Variants in SYNDIG1 observed in about 807,000 individuals in gnomAD.
SYNDIG1 encodes the protein synapse differentiation-inducing gene protein 1.
In SYNDIG1, 9 loss-of-function variants were observed where a neutral mutation model predicts 19.4. The ratio of observed to expected loss-of-function variants is 0.46; its 90% CI spans 0.28 to 0.81. The LOEUF (loss-of-function observed/expected upper bound fraction) is 0.81, where lower values mean the gene tolerates loss of function less well. Among genes scored for constraint, SYNDIG1 ranks in the 30% least tolerant of loss-of-function variants. The pLI is 0.12. For synonymous variants in SYNDIG1, 141 were observed against 145.9 expected, an observed-to-expected ratio of 0.97 and a Z score of 0.24; for missense variants, 311 against 343.3, an observed-to-expected ratio of 0.91 and a Z score of 0.74.
chr20:24,665,215 A>G (rs1341706614), intron 3 of SYNDIG1, 131 bp from the exon 4 acceptor site: 5 of 1,142,750 alleles, frequency 4.4e-6, no homozygotes, highest in Non-Finnish European at 6.2e-6. Flanking sequence ...AGGGGTGAGC[A>G]CAGTTTCCCC....
intron 1 of SYNDIG1, among the ~76,000 whole-genome samples, chr20:24,506,100 A>T (rs1449301995): frequency 2.0e-5 from 3 of 152,192 alleles, no homozygotes; most frequent in Non-Finnish European, 2.9e-5. Flanking sequence ...GCCCCAGTTT[A>T]TCCTAAGTGC....
At chr20:24,513,305 C>T (rs931482103) in intron 1 of SYNDIG1, among the ~76,000 whole-genome samples, 2 of 152,204 alleles carry the variant, frequency 1.3e-5, no homozygotes, top group Non-Finnish European at 2.9e-5. Flanking sequence ...GAGAAGAAGG[C>T]TTCAGACGAT....
intron 3 of SYNDIG1, among the ~76,000 whole-genome samples, chr20:24,661,517 G>GA (rs2059599153): frequency 2.1e-5 from 3 of 144,900 alleles, no homozygotes; most frequent in Non-Finnish European, 3.0e-5. Context: ...GGAGGAAGGA[G>GA]GGAGGGAGGA....
chr20:24,512,281 G>A (rs186919799), intron 1 of SYNDIG1, among the ~76,000 whole-genome samples: 55 of 151,158 alleles, frequency 3.6e-4, no homozygotes, highest in Non-Finnish European at 2.1e-4. Context: ...GGGGATCATC[G>A]GACAGTGGGG....
At chr20:24,654,335 A>G (rs992329550) in intron 3 of SYNDIG1, among the ~76,000 whole-genome samples, 1 of 152,290 alleles carries the variant, frequency 6.6e-6, no homozygotes. Flanking sequence ...AGGAAGTAGA[A>G]AGTGTCTTTC....
chr20:24,483,542 C>A (rs1006969734), intron 1 of SYNDIG1, among the ~76,000 whole-genome samples: 1 of 152,226 alleles, frequency 6.6e-6, no homozygotes, highest in Non-Finnish European at 1.5e-5. Context: ...TCCTGTACTT[C>A]CCCTGGGCAC....
intron 1 of SYNDIG1, among the ~76,000 whole-genome samples, chr20:24,497,042 C>T (rs960111975): frequency 6.6e-6 from 1 of 152,160 alleles, no homozygotes; most frequent in Admixed American, 6.5e-5. Flanking sequence ...ATTGCTAGCT[C>T]ATATCTATCT....
intron 2 of SYNDIG1, among the ~76,000 whole-genome samples, chr20:24,582,260 A>G (rs1284966716): frequency 4.4e-5 from 2 of 45,780 alleles, no homozygotes; most frequent in African/African-American, 2.0e-4. Flanking sequence ...CCCCCTTCAC[A>G]TACTTCCCAC....
At chr20:24,625,383 CAT>C (rs1491200292) in intron 3 of SYNDIG1, among the ~76,000 whole-genome samples, 3 of 97,478 alleles carry the variant, frequency 3.1e-5, no homozygotes, top group African/African-American at 8.1e-5. Flanking sequence ...ATGCCTGGGA[CAT>C]TTTTTTTTTT....
chr20:24,602,988 A>G (rs888162859), intron 3 of SYNDIG1, among the ~76,000 whole-genome samples: 14 of 152,208 alleles, frequency 9.2e-5, no homozygotes, highest in Non-Finnish European at 1.8e-4. Flanking sequence ...ACACAATGCT[A>G]TCGAGGCTAA....
chr20:24,622,150 A>G (rs1429051575), intron 3 of SYNDIG1, among the ~76,000 whole-genome samples: 1 of 152,260 alleles, frequency 6.6e-6, no homozygotes, highest in Non-Finnish European at 1.5e-5. Flanking sequence ...TGGAAGAGGT[A>G]GACAACACAT....
At chr20:24,583,311 A>C (rs1008145150) in intron 2 of SYNDIG1, among the ~76,000 whole-genome samples, 1 of 152,266 alleles carries the variant, frequency 6.6e-6, no homozygotes, top group Non-Finnish European at 1.5e-5. Context: ...GTCTGGCTTC[A>C]CAGGGTCTGT....
At chr20:24,538,609 A>G (rs539750888) in intron 1 of SYNDIG1, among the ~76,000 whole-genome samples, 4 of 152,312 alleles carry the variant, frequency 2.6e-5, no homozygotes, top group South Asian at 2.1e-4. Context: ...TCCTTTTGGT[A>G]TATATCCAGA....
chr20:24,518,681 G>C (rs1040708985), intron 1 of SYNDIG1, among the ~76,000 whole-genome samples: 1 of 152,208 alleles, frequency 6.6e-6, no homozygotes, highest in African/African-American at 2.4e-5. Context: ...CCCAGCCTCT[G>C]GCTTCCTGCT....
intron 1 of SYNDIG1, among the ~76,000 whole-genome samples, chr20:24,530,331 G>C (rs1337419290): frequency 6.6e-6 from 1 of 152,154 alleles, no homozygotes; most frequent in South Asian, 2.1e-4. Flanking sequence ...AGAAGTTTGG[G>C]TTGGCTTTGT....
intron 3 of SYNDIG1, among the ~76,000 whole-genome samples, chr20:24,661,866 C>T (rs2147407131): frequency 6.6e-6 from 1 of 152,250 alleles, no homozygotes; most frequent in Middle Eastern, 3.4e-3. Flanking sequence ...TCAGATAGAA[C>T]CATTCCCCAA....
intron 1 of SYNDIG1, among the ~76,000 whole-genome samples, chr20:24,534,743 C>T (rs2057328924): frequency 6.6e-6 from 1 of 152,232 alleles, no homozygotes; most frequent in Non-Finnish European, 1.5e-5. Context: ...GCACTCAACA[C>T]ACTACACACT....
chr20:24,475,025 A>G (rs2055576722), intron 1 of SYNDIG1, among the ~76,000 whole-genome samples: 2 of 152,206 alleles, frequency 1.3e-5, no homozygotes, highest in Admixed American at 1.3e-4. Context: ...ACCACCCCCC[A>G]TGCCCCCACT....
At chr20:24,481,641 G>A (rs2055800558) in intron 1 of SYNDIG1, among the ~76,000 whole-genome samples, 1 of 152,198 alleles carries the variant, frequency 6.6e-6, no homozygotes, top group African/African-American at 2.4e-5. Context: ...GTGTGTGAAA[G>A]AATTTATGAA....
Sources: gnomAD v4.1 joint callset for allele counts (sites outside exome capture counted in the v4.1 genomes callset) on GRCh38, gnomAD v4.1.1 for gene constraint, MANE v1.5 for transcripts, NCBI Gene and HGNC (gene_info 2026-07-23, HGNC 2026-07-21) for gene names.